The following UNC13C variants were observed in gnomAD, a reference collection of about 807,000 sequenced individuals.
The protein encoded by UNC13C is protein unc-13 homolog C.
Under a neutral mutation model 245.4 loss-of-function variants are expected in UNC13C, and 174 were observed. The ratio of observed to expected loss-of-function variants is 0.71; its 90% CI spans 0.63 to 0.80. UNC13C has a LOEUF of 0.80. Ranked by LOEUF, UNC13C falls within the 30% of genes least tolerant of loss-of-function variation. The pLI is 0.00. For synonymous variants in UNC13C, 992 were observed against 895.1 expected, an observed-to-expected ratio of 1.11 and a Z score of -1.93; for missense variants, 2,829 against 2,602.9, an observed-to-expected ratio of 1.09 and a Z score of -1.89.
In UNC13C at chr15:54,200,264, A is replaced by G. The variant is rs546357732; in HGVS notation, c.3072-34766A>G. On this transcript the variant is annotated intron_variant, in intron 4 of 32. Transcript: ENST00000260323. ...TTTAATACTCCACTGACAGCATTAG[A>G]TGAGTCATCAAGACGGAAACTCAGC... is the stretch of plus-strand genomic sequence containing the variant. Among the ~76,000 whole-genome samples the G allele has an allele frequency of 2.0e-5, 3 of 152,226 alleles. No individual in the cohort carries two copies. In the South Asian group the frequency reaches 6.2e-4, roughly 32 times the overall value.
At chr15:53,904,742 G>A in the UNC13C span, among the ~76,000 whole-genome samples, 1 of 152,094 alleles carries the variant, frequency 6.6e-6, no homozygotes, top group Non-Finnish European at 1.5e-5. Context: ...GTTTTCATGG[G>A]CATGAGCATA....
chr15:54,336,339 AGTC>A (rs1490646717), intron 16 of UNC13C, among the ~76,000 whole-genome samples: 2 of 151,802 alleles, frequency 1.3e-5, no homozygotes, highest in African/African-American at 4.8e-5. Flanking sequence ...AGAATACAGT[AGTC>A]TCGAGTTTTG....
chr15:54,410,670 T>C (rs2040398559), intron 18 of UNC13C, among the ~76,000 whole-genome samples: 1 of 152,090 alleles, frequency 6.6e-6, no homozygotes, highest in Admixed American at 6.6e-5. Flanking sequence ...TGGTTGTAGG[T>C]GTGTGGCCTT....
chr15:53,942,765 C>A, the UNC13C span, among the ~76,000 whole-genome samples: 2 of 152,100 alleles, frequency 1.3e-5, no homozygotes, highest in African/African-American at 4.8e-5. Context: ...CTGGTTCAAG[C>A]AACTCTCGTG....
intron 14 of UNC13C, among the ~76,000 whole-genome samples, chr15:54,329,094 T>C (rs965150970): frequency 1.1e-4 from 16 of 151,346 alleles, no homozygotes; most frequent in Admixed American, 7.2e-4. Context: ...TTTTTTTTTT[T>C]TTTTTTTGCT....
chr15:54,173,977 A>T (rs1174628836), intron 4 of UNC13C, among the ~76,000 whole-genome samples: 1 of 152,048 alleles, frequency 6.6e-6, no homozygotes, highest in Non-Finnish European at 1.5e-5. Context: ...CCCTTTGTTT[A>T]TATAGGGAAT....
intron 14 of UNC13C, among the ~76,000 whole-genome samples, chr15:54,327,088 A>G (rs1171557794): frequency 1.3e-5 from 2 of 152,042 alleles, no homozygotes; most frequent in Non-Finnish European, 2.9e-5. Flanking sequence ...GTAGATCAGG[A>G]GTTGAAAAGT....
chr15:53,854,601 T>C, the UNC13C span, among the ~76,000 whole-genome samples: 1 of 152,132 alleles, frequency 6.6e-6, no homozygotes, highest in East Asian at 1.9e-4. Context: ...GGTCAGATAG[T>C]TGTAGGTGTG....
At chr15:54,234,871 A>G (rs1370025731) in intron 4 of UNC13C, among the ~76,000 whole-genome samples, 159 bp from the exon 5 acceptor site, 1 of 152,152 alleles carries the variant, frequency 6.6e-6, no homozygotes, top group Non-Finnish European at 1.5e-5. Flanking sequence ...TCACTCAACA[A>G]AGTCCTAGAA....
chr15:54,396,612 G>A (rs2040075042), intron 18 of UNC13C, among the ~76,000 whole-genome samples: 2 of 151,260 alleles, frequency 1.3e-5, no homozygotes. Context: ...TATTTCTATT[G>A]AGTTACGTGG....
chr15:54,628,815 T>C (rs2141327693), downstream of UNC13C: 1 of 152,274 alleles, frequency 6.6e-6, no homozygotes, highest in African/African-American at 2.4e-5. Flanking sequence ...AATGTTTGTT[T>C]GTTTATACAC....
intron 17 of UNC13C, among the ~76,000 whole-genome samples, chr15:54,387,832 T>C (rs2039870482): frequency 6.6e-6 from 1 of 152,214 alleles, no homozygotes; most frequent in Non-Finnish European, 1.5e-5. Flanking sequence ...GCTTTCCTTT[T>C]TGTTTCTTTA....
intron 19 of UNC13C, among the ~76,000 whole-genome samples, chr15:54,425,063 C>T (rs2040731664): frequency 6.6e-6 from 1 of 151,788 alleles, no homozygotes; most frequent in South Asian, 2.1e-4. Flanking sequence ...AACTCCAGGC[C>T]TTTCTGGCCT....
intron 10 of UNC13C, among the ~76,000 whole-genome samples, chr15:54,283,192 G>A (rs1163750020): frequency 6.6e-6 from 1 of 152,102 alleles, no homozygotes; most frequent in East Asian, 1.9e-4. Context: ...GGTTTCACCT[G>A]CTACACAACC....
At chr15:54,065,572 C>A (rs181568298) in intron 2 of UNC13C, among the ~76,000 whole-genome samples, 5 of 152,342 alleles carry the variant, frequency 3.3e-5, no homozygotes, top group African/African-American at 1.2e-4. Flanking sequence ...TACATCACAG[C>A]TCAATGCAGA....
At chr15:53,941,018 A>G in the UNC13C span, among the ~76,000 whole-genome samples, 2 of 151,826 alleles carry the variant, frequency 1.3e-5, no homozygotes, top group Middle Eastern at 3.4e-3. Flanking sequence ...AACAGAAACA[A>G]CAAAGCTAGA....
At chr15:54,297,004 C>A (rs2037453616) in intron 11 of UNC13C, among the ~76,000 whole-genome samples, 1 of 152,114 alleles carries the variant, frequency 6.6e-6, no homozygotes, top group South Asian at 2.1e-4. Flanking sequence ...TATAAGTTAG[C>A]CTAGGGTATA....
intron 25 of UNC13C, among the ~76,000 whole-genome samples, chr15:54,531,715 G>A (rs943143209): frequency 2.7e-5 from 4 of 150,938 alleles, no homozygotes; most frequent in Middle Eastern, 3.2e-3. Flanking sequence ...TTTCAAATAC[G>A]CAGGTGAGTG....
At chr15:54,239,791 A>G (rs966700075) in intron 7 of UNC13C, among the ~76,000 whole-genome samples, 4 of 152,134 alleles carry the variant, frequency 2.6e-5, no homozygotes, top group African/African-American at 4.8e-5. Flanking sequence ...ATGCCATGTA[A>G]TATTTTGAGT....
Sources: allele counts gnomAD v4.1 joint callset (sites outside exome capture counted in the v4.1 genomes callset), GRCh38; gene constraint gnomAD v4.1.1; transcripts MANE v1.5; gene names NCBI Gene and HGNC (gene_info 2026-07-23, HGNC 2026-07-21).